MYOF: variants seen among roughly 807,000 people sequenced by gnomAD.
The protein encoded by MYOF is myoferlin.
A neutral mutation model predicts 284.2 loss-of-function variants in MYOF; 244 were observed. The ratio of observed to expected loss-of-function variants is 0.86; its 90% CI spans 0.77 to 0.95. The LOEUF (loss-of-function observed/expected upper bound fraction) is 0.95, where lower values mean the gene tolerates loss of function less well. MYOF is among the 40% of genes least tolerant of loss of function. The pLI, the probability that MYOF is intolerant of heterozygous loss-of-function variation, is 0.00. For synonymous variants in MYOF, 904 were observed against 919.7 expected (o/e 0.98, Z 0.31); for missense variants, 2,496 against 2,560.6 (o/e 0.97, Z 0.54).
At chr10:93,431,019 CTTTTCTT>C (rs1848826033) in intron 4 of MYOF, among the ~76,000 whole-genome samples, 2 of 121,970 alleles carry the variant, frequency 1.6e-5, no homozygotes, top group African/African-American at 5.6e-5. Context: ...AGACATTTTT[CTTTTCTT>C]TTTTTTTTTT....
At chr10:93,389,356 G>A (rs757527172) in intron 17 of MYOF, among the ~76,000 whole-genome samples, 11 of 152,064 alleles carry the variant, frequency 7.2e-5, no homozygotes, top group Non-Finnish European at 1.3e-4. Context: ...AAACATTTGG[G>A]GGTAGCGCAG....
chr10:93,334,468 GATA>G (rs1478306651), intron 41 of MYOF, among the ~76,000 whole-genome samples: 1 of 152,132 alleles, frequency 6.6e-6, no homozygotes, highest in Non-Finnish European at 1.5e-5. Flanking sequence ...TCTGCATTGA[GATA>G]ATCTATTTAT....
At chr10:93,403,659 C>G (rs921604469) in intron 9 of MYOF, among the ~76,000 whole-genome samples, 1 of 152,224 alleles carries the variant, frequency 6.6e-6, no homozygotes, top group Non-Finnish European at 1.5e-5. Context: ...TCCTTTCACA[C>G]TCTGAATTTA....
chr10:93,447,484 G>T lies in MYOF; in HGVS notation c.236+4566C>A, dbSNP rs2056464798. ...AGTTTAAGCCCCTACACCTGGAACT[G>T]GTTATTTTTTGTAACTGCTTTTGTA... On this transcript the variant is annotated intron_variant, in intron 3 of 53. Coordinates refer to ENST00000359263, the MANE Select transcript of MYOF (RefSeq NM_013451.4). 2.0e-5 allele frequency among the ~76,000 whole-genome samples: 3 copies of T among 152,266 alleles called. No individual in the cohort carries two copies. The South Asian group carries it at 6.2e-4, about 32-fold the overall frequency.
intron 50 of MYOF, among the ~76,000 whole-genome samples, chr10:93,315,936 C>T (rs969412837): frequency 4.7e-5 from 7 of 149,250 alleles, no homozygotes; most frequent in African/African-American, 1.7e-4. Flanking sequence ...GCCTGGGCAA[C>T]ATAGTGAGAC....
At chr10:93,460,905 G>T (rs2056862539) in intron 1 of MYOF, among the ~76,000 whole-genome samples, 1 of 152,068 alleles carries the variant, frequency 6.6e-6, no homozygotes, top group South Asian at 2.1e-4. Flanking sequence ...AGACCAGCCT[G>T]GCCAACTTGG....
intron 30 of MYOF, among the ~76,000 whole-genome samples, 168 bp downstream of exon 30, chr10:93,356,507 C>T (rs574603461): frequency 3.3e-5 from 5 of 152,282 alleles, no homozygotes; most frequent in South Asian, 2.1e-4. Context: ...TCGTTCTACA[C>T]GAGGTATTGA....
rs756501865 is a variant in MYOF, at chr10:93,310,656, A to C, written c.5890-13T>G. The C allele has an allele frequency of 1.9e-6, 3 of 1,612,298 alleles. No homozygotes were observed. In the African/African-American group the frequency reaches 4.0e-5, roughly 22 times the overall value. ...TCTCCACTTTCCCCTTCAGTAAAGC[A>C]GAGCAGGTTAAACATATGACATCAT... On this transcript the variant is annotated splice_polypyrimidine_tract_variant and intron_variant, in intron 51 of 53. Coordinates refer to ENST00000359263, the MANE Select transcript of MYOF (RefSeq NM_013451.4).
Position 93,319,841 on chromosome 10 carries a change from C to A in MYOF, c.5598+31G>T, listed in dbSNP as rs377215291. ...CTGAGTTAAGGAAGATCCATGATAC[C>A]CACTTCCCAGCGGCATATTTCAGAG... On this transcript the variant is annotated intron_variant, in intron 49 of 53. Transcript: ENST00000359263. 6 of 1,613,218 alleles carry A rather than the reference C, an allele frequency of 3.7e-6. No individual in the cohort carries two copies. The African/African-American group carries it at 8.0e-5, about 22-fold the overall frequency.
rs368030395 is a variant in MYOF at position 93,358,715 on chromosome 10, C to T, written c.3120+1118G>A. ...AACAGAGGAACAGAAAACCAAACAC[C>T]GCATGTTCTCACTTACAGGTGGGAG... On this transcript the variant is annotated intron_variant, in intron 29 of 53. Transcript: ENST00000359263. Among the ~76,000 whole-genome samples the T allele has an allele frequency of 1.7e-4, 26 of 152,244 alleles. No individual in the cohort carries two copies. The East Asian group carries it at 2.5e-3, about 15-fold the overall frequency.
In MYOF at chr10:93,325,933, C is replaced by A. The variant is rs1376857978; in HGVS notation, c.5164G>T (p.Ala1722Ser). Residue 1722 changes from alanine to serine, a missense_variant, in exon 46 of 54, where the codon GCC becomes TCC. Physicochemically the swap from Ala to Ser is moderately conservative, Grantham distance 99. This residue lies in a region of MYOF where 2,436 missense variants were observed against 2,480.7 expected (regional missense o/e 0.98). Transcript: ENST00000359263. ...TGAAGAGCAAGCCGCTCTTCAGGGG[C>A]CCCGAGGTGCTGGTGCAGGATTTTG... ...ANKILHQHLG[A>S]PEERLALHIL... 6 of 1,613,982 alleles carry A rather than the reference C, an allele frequency of 3.7e-6. No individual in the cohort carries two copies. Among genetic ancestry groups the A allele is most frequent in the Non-Finnish European group, 5.1e-6 (6 of 1,179,984 alleles).
At position 93,331,696 on chromosome 10, in the gene MYOF, C is replaced by CG. The variant is rs1304042063; in HGVS notation, c.4811+1524dup. On this transcript the variant is annotated intron_variant, in intron 43 of 53. Coordinates refer to ENST00000359263, the MANE Select transcript of MYOF (RefSeq NM_013451.4). ...TGCATGGCCTTGGGTGTGCAGCATG[C>CG]GGGGGGCGTAGGGGGGGTGGGGGGT... Among the ~76,000 whole-genome samples the CG allele has an allele frequency of 4.6e-4, 7 of 15,078 alleles. No individual in the cohort carries two copies. In the Admixed American group the frequency reaches 6.8e-3, roughly 15 times the overall value. 9.9% of individuals were successfully genotyped at this position (15,078 alleles called of 152,430 possible).
chr10:93,424,824 C>T lies in MYOF; in HGVS notation c.433+1247G>A, dbSNP rs193136440. ...TGCAGGTGTAAAGTGAACCCTCGGGCGGCCGGAGAGCCAAGTTCCCAACCA... is the reference window on the plus strand; with the variant it reads ...TGCAGGTGTAAAGTGAACCCTCGGGTGGCCGGAGAGCCAAGTTCCCAACCA... On this transcript the variant is annotated intron_variant, in intron 5 of 53. Transcript: ENST00000359263. Among the ~76,000 whole-genome samples the T allele has an allele frequency of 5.1e-3, 768 of 150,818 alleles. 4 individuals carry two copies. Among genetic ancestry groups the T allele is most frequent in the African/African-American group, 0.018 (730 of 41,126 alleles).
intron 1 of MYOF, 141 bp downstream of exon 1, chr10:93,481,966 C>T: frequency 6.7e-6 from 5 of 750,388 alleles, no homozygotes; most frequent in South Asian, 1.7e-5. Flanking sequence ...CGGGTCCTCT[C>T]CCCTGTCCTG....
Position 93,393,047 on chromosome 10 carries a change from T to A in MYOF, c.1418-92A>T, listed in dbSNP as rs73319677. 0.019 allele frequency: 22,731 copies of A among 1,182,614 alleles called. 2,994 individuals carry two copies. In the African/African-American group the frequency reaches 0.29, roughly 15 times the overall value. The allele number at this position is 1,182,614 out of a possible 1,614,324, so 73.3% of individuals were successfully genotyped here. ...CGTTAATCAAATCCAGTGCCAGGTA[T>A]GTGATTTAGCAACACCAGAAAAATC... On this transcript the variant is annotated intron_variant, in intron 16 of 53. Coordinates refer to ENST00000359263, the MANE Select transcript of MYOF (RefSeq NM_013451.4).
intron 1 of MYOF, among the ~76,000 whole-genome samples, chr10:93,479,121 T>C (rs1037130206): frequency 1.3e-5 from 2 of 152,040 alleles, no homozygotes; most frequent in Admixed American, 6.6e-5. Flanking sequence ...TGATGCCGCC[T>C]TGATCTTCTG....
chr10:93,389,583 T>C (rs1363544517), intron 17 of MYOF, among the ~76,000 whole-genome samples: 1 of 152,246 alleles, frequency 6.6e-6, no homozygotes, highest in Non-Finnish European at 1.5e-5. Context: ...CTTCAGTAGT[T>C]AGTATAACTC....
rs139405525 is a variant in MYOF, at chr10:93,349,511, A to G, written c.4083+297T>C. Among the ~76,000 whole-genome samples, 168 of 152,364 alleles carry G rather than the reference A, an allele frequency of 1.1e-3. 1 individual carries two copies. Among genetic ancestry groups the G allele is most frequent in the African/African-American group, 3.7e-3 (152 of 41,590 alleles). ...GACTGGGGGTTAATATTCTGCCTTCATGGGGTTGACCAACAGCTTGTAATA... is the reference window on the plus strand; with the variant it reads ...GACTGGGGGTTAATATTCTGCCTTCGTGGGGTTGACCAACAGCTTGTAATA... On this transcript the variant is annotated intron_variant, in intron 36 of 53. Transcript: ENST00000359263.
At chr10:93,314,562 T>C (rs971143794) in intron 50 of MYOF, among the ~76,000 whole-genome samples, 2 of 152,138 alleles carry the variant, frequency 1.3e-5, no homozygotes, top group African/African-American at 4.8e-5. Flanking sequence ...ACAAGGAGGT[T>C]GTGGCATTTT....
Sources: gnomAD v4.1 joint callset for allele counts (sites outside exome capture counted in the v4.1 genomes callset) on GRCh38, gnomAD v4.1.1 for gene constraint, gnomAD v4.1.1 regional missense constraint, MANE v1.5 for transcripts, NCBI Gene and HGNC (gene_info 2026-07-23, HGNC 2026-07-21) for gene names.